UNC13C: variants seen among roughly 807,000 people sequenced by gnomAD.
UNC13C encodes the protein protein unc-13 homolog C.
In UNC13C, 174 loss-of-function variants were observed where a neutral mutation model predicts 245.4. The ratio of observed to expected loss-of-function variants is 0.71; its 90% confidence interval spans 0.63 to 0.80. The LOEUF is 0.80. UNC13C is among the 30% of genes least tolerant of loss of function. UNC13C has a pLI of 0.00. For missense variants in UNC13C, 2,829 were observed against 2,602.9 expected (o/e 1.09, Z -1.89); for synonymous variants, 992 against 895.1 (o/e 1.11, Z -1.93).
chr15:53,867,431 GC>G, the UNC13C span, among the ~76,000 whole-genome samples: 1 of 152,178 alleles, frequency 6.6e-6, no homozygotes, highest in Non-Finnish European at 1.5e-5. Context: ...TCCACATCCT[GC>G]CTCCCTCTCT....
chr15:54,066,791 C>T (rs1016277609), intron 2 of UNC13C, among the ~76,000 whole-genome samples: 1 of 152,134 alleles, frequency 6.6e-6, no homozygotes, highest in Non-Finnish European at 1.5e-5. Flanking sequence ...GGAAAAAGTG[C>T]TGTGATGTTA....
chr15:54,606,599 C>T (rs907129406), intron 30 of UNC13C, among the ~76,000 whole-genome samples: 2 of 152,140 alleles, frequency 1.3e-5, no homozygotes, highest in Non-Finnish European at 2.9e-5. Flanking sequence ...TGACGATTTG[C>T]GTGCGGTGAA....
chr15:53,979,591 A>G (rs1488262282), intron 1 of UNC13C, among the ~76,000 whole-genome samples: 4 of 152,182 alleles, frequency 2.6e-5, no homozygotes, highest in Admixed American at 2.6e-4. Flanking sequence ...CTGCAATTAC[A>G]TCATCAATAT....
At chr15:54,504,488 C>A (rs377630455) in intron 22 of UNC13C, among the ~76,000 whole-genome samples, 1 of 152,242 alleles carries the variant, frequency 6.6e-6, no homozygotes, top group South Asian at 2.1e-4. Flanking sequence ...TAGATAGAAT[C>A]AACCACTAAA....
At chr15:54,167,042 A>G (rs7179990) in intron 4 of UNC13C, among the ~76,000 whole-genome samples, 37,425 of 152,082 alleles carry the variant, frequency 0.25, 4,962 homozygotes, top group East Asian at 0.34. Flanking sequence ...AGAAAGATGA[A>G]CAAAGTTTGA....
chr15:54,134,221 C>T (rs1421117316), intron 2 of UNC13C, among the ~76,000 whole-genome samples: 1 of 151,748 alleles, frequency 6.6e-6, no homozygotes, highest in African/African-American at 2.4e-5. Context: ...ACTATTTCCC[C>T]CACCCCCAGC....
intron 19 of UNC13C, 47 bp downstream of exon 19, chr15:54,415,114 T>A: frequency 7.4e-7 from 1 of 1,353,072 alleles, no homozygotes; most frequent in Non-Finnish European, 1.0e-6. Flanking sequence ...TAGAGTTAAA[T>A]GGTGATATTG....
At chr15:53,890,530 C>T in the UNC13C span, among the ~76,000 whole-genome samples, 1 of 152,182 alleles carries the variant, frequency 6.6e-6, no homozygotes, top group Non-Finnish European at 1.5e-5. Context: ...TAATTACTGC[C>T]TCGATTTCAG....
chr15:53,934,412 A>T, the UNC13C span, among the ~76,000 whole-genome samples: 5 of 152,094 alleles, frequency 3.3e-5, no homozygotes, highest in Non-Finnish European at 7.3e-5. Context: ...TTTTTCTCTC[A>T]CTTTGTATTT....
chr15:53,873,899 CCTTCCTTCCTTCCTTCCTTCCTTT>C, the UNC13C span, among the ~76,000 whole-genome samples: 25,154 of 71,430 alleles, frequency 0.35, 3,179 homozygotes, highest in East Asian at 0.45. Flanking sequence ...CCTTCTCTTT[CCTTCCTTCCTTCCTTCCTTCCTTT>C]CTTCCTTCCT....
upstream of UNC13C, among the ~76,000 whole-genome samples, chr15:53,975,386 C>T (rs1192470178): frequency 6.6e-6 from 1 of 152,068 alleles, no homozygotes; most frequent in African/African-American, 2.4e-5. Flanking sequence ...ACAACTAATC[C>T]ATTTTGCCAA....
chr15:54,368,557 A>G (rs1427860102), intron 17 of UNC13C, among the ~76,000 whole-genome samples: 4 of 152,004 alleles, frequency 2.6e-5, no homozygotes, highest in Admixed American at 1.3e-4. Flanking sequence ...CGAGAAACCA[A>G]TGTGGTCTGC....
At chr15:54,398,630 A>C (rs1464670133) in intron 18 of UNC13C, among the ~76,000 whole-genome samples, 1 of 151,380 alleles carries the variant, frequency 6.6e-6, no homozygotes, top group Non-Finnish European at 1.5e-5. Flanking sequence ...TCTTCATTAG[A>C]TATAGGGCTA....
chr15:54,376,688 C>T (rs2039614483), intron 17 of UNC13C, among the ~76,000 whole-genome samples: 1 of 152,090 alleles, frequency 6.6e-6, no homozygotes, highest in South Asian at 2.1e-4. Context: ...ACATAAAGAA[C>T]AAAGAAAAGC....
chr15:54,417,894 T>C (rs2040553961), intron 19 of UNC13C, among the ~76,000 whole-genome samples: 1 of 152,028 alleles, frequency 6.6e-6, no homozygotes, highest in Non-Finnish European at 1.5e-5. Flanking sequence ...AGTTGTACAT[T>C]GTTAAAATTT....
At chr15:53,976,477 C>CTTTTTTTTTTTTTTTTTTTTTTTTTTT (rs10682648), upstream of UNC13C, among the ~76,000 whole-genome samples, 3 of 63,020 alleles carry the variant, frequency 4.8e-5, 1 homozygote. Flanking sequence ...CTCTCTCTCT[C>CTTTTTTTTTTTTTTTTTTTTTTTTTTT]TTTTTTTTTT....
At chr15:53,865,490 A>G in the UNC13C span, among the ~76,000 whole-genome samples, 9 of 152,094 alleles carry the variant, frequency 5.9e-5, no homozygotes, top group African/African-American at 2.2e-4. Context: ...TCTTCTAAGG[A>G]CACCAGTCAT....
Position 54,221,661 on chromosome 15 carries a change from T to TAA in UNC13C, c.3072-13362_3072-13361dup, listed in dbSNP as rs143892454. Among the ~76,000 whole-genome samples, 1,466 of 150,550 alleles carry TAA rather than the reference T, an allele frequency of 9.7e-3. 19 individuals carry two copies. Among genetic ancestry groups the TAA allele is most frequent in the African/African-American group, 0.034 (1,404 of 41,076 alleles). ...ACCTTGCTTTAATGTTCCATAATGCTAAAAAAAATAAGATTAATCACATAG... is the reference window on the plus strand; with the variant it reads ...ACCTTGCTTTAATGTTCCATAATGCTAAAAAAAAAATAAGATTAATCACATAG... On this transcript the variant is annotated intron_variant, in intron 4 of 32. Transcript: ENST00000260323.
the UNC13C span, among the ~76,000 whole-genome samples, chr15:53,916,169 C>T: frequency 6.6e-6 from 1 of 152,128 alleles, no homozygotes; most frequent in Non-Finnish European, 1.5e-5. Context: ...GCTTGGATCC[C>T]ACAATTGCCT....
Sources: gnomAD v4.1 joint callset for allele counts (sites outside exome capture counted in the v4.1 genomes callset) on GRCh38, gnomAD v4.1.1 for gene constraint, MANE v1.5 for transcripts, NCBI Gene and HGNC (gene_info 2026-07-23, HGNC 2026-07-21) for gene names.